Variants in KLRG1 observed in about 807,000 individuals in gnomAD.
KLRG1 encodes the protein killer cell lectin-like receptor subfamily G member 1.
In KLRG1, 16 loss-of-function variants were observed where a neutral mutation model predicts 21.8. The observed-to-expected ratio is 0.73, with a 90% CI of 0.50 to 1.11. The LOEUF is 1.11. Ranked by LOEUF, KLRG1 falls within the 50% of genes most tolerant of loss-of-function variation. The pLI is 0.00. For synonymous variants in KLRG1, 69 were observed against 75.9 expected (o/e 0.91, Z 0.47); for missense variants, 173 against 218.3 (o/e 0.79, Z 1.31).
At chr12:9,085,147 G>A in the KLRG1 span, among the ~76,000 whole-genome samples, 2 of 151,914 alleles carry the variant, frequency 1.3e-5, no homozygotes, top group African/African-American at 4.8e-5. Flanking sequence ...ATAAGAAAAC[G>A]TTGAACTTGA....
chr12:9,140,401 T>C, the KLRG1 span, among the ~76,000 whole-genome samples: 1 of 152,176 alleles, frequency 6.6e-6, no homozygotes, highest in Non-Finnish European at 1.5e-5. Flanking sequence ...CTCGGCCCAA[T>C]TGGTTGAGAT....
chr12:9,147,614 G>A, the KLRG1 span, among the ~76,000 whole-genome samples: 1 of 152,060 alleles, frequency 6.6e-6, no homozygotes, highest in Admixed American at 6.6e-5. Flanking sequence ...GTTCATGTGT[G>A]GGACAGGGGG....
At chr12:9,082,162 C>T in the KLRG1 span, among the ~76,000 whole-genome samples, 1 of 152,198 alleles carries the variant, frequency 6.6e-6, no homozygotes, top group Admixed American at 6.5e-5. Flanking sequence ...TCCATGGCTC[C>T]ATTCACAAGG....
At chr12:9,192,116 C>A in the KLRG1 span, 1 of 1,252,502 alleles carries the variant, frequency 8.0e-7, no homozygotes, top group Non-Finnish European at 1.2e-6. Flanking sequence ...AAACGATTTC[C>A]CATTTATGAA....
the KLRG1 span, among the ~76,000 whole-genome samples, chr12:9,048,974 T>A: frequency 1.3e-5 from 2 of 152,244 alleles, no homozygotes; most frequent in Non-Finnish European, 2.9e-5. Flanking sequence ...GTTACCTGGC[T>A]TTTGATTTTA....
the KLRG1 span, among the ~76,000 whole-genome samples, chr12:9,034,746 C>T: frequency 6.6e-6 from 1 of 152,218 alleles, no homozygotes; most frequent in East Asian, 1.9e-4. Flanking sequence ...CGTGCCTGGC[C>T]ATTATACTTT....
the KLRG1 span, among the ~76,000 whole-genome samples, chr12:9,195,681 T>C: frequency 6.9e-6 from 1 of 144,404 alleles, no homozygotes; most frequent in African/African-American, 2.6e-5. Context: ...CTAGAACTCC[T>C]GGCCTCAGGC....
At chr12:9,093,260 A>C in the KLRG1 span, among the ~76,000 whole-genome samples, 1 of 152,214 alleles carries the variant, frequency 6.6e-6, no homozygotes, top group East Asian at 1.9e-4. Context: ...GCACACAAAA[A>C]TAGGTAACAA....
intron 3 of KLRG1, among the ~76,000 whole-genome samples, chr12:9,002,957 T>A (rs1947350729): frequency 6.9e-6 from 1 of 145,196 alleles, no homozygotes; most frequent in Admixed American, 6.8e-5. Flanking sequence ...TATCCATGAG[T>A]ACATAGAATA....
chr12:9,176,132 A>G, the KLRG1 span, among the ~76,000 whole-genome samples: 90 of 152,360 alleles, frequency 5.9e-4, 1 homozygote, highest in East Asian at 0.017. Flanking sequence ...GCAGCCATAA[A>G]AAGGATGAGT....
upstream of KLRG1, among the ~76,000 whole-genome samples, chr12:8,984,744 C>T (rs1452592214): frequency 6.6e-6 from 1 of 152,138 alleles, no homozygotes; most frequent in African/African-American, 2.4e-5. Context: ...ATCTATGTTA[C>T]ATAAGTTTCT....
chr12:9,149,034 C>G, the KLRG1 span: 1 of 1,584,028 alleles, frequency 6.3e-7, no homozygotes, highest in African/African-American at 1.3e-5. Flanking sequence ...TGTATCATTT[C>G]CTGAGGAGCA....
chr12:9,085,902 G>A, the KLRG1 span, among the ~76,000 whole-genome samples: 1 of 152,090 alleles, frequency 6.6e-6, no homozygotes, highest in African/African-American at 2.4e-5. Flanking sequence ...TAGAAGAAAT[G>A]AATGCATTCC....
the KLRG1 span, chr12:9,127,991 C>A: frequency 3.4e-6 from 1 of 294,834 alleles, no homozygotes. Flanking sequence ...CAGATCACTT[C>A]CGAACCAAGT....
chr12:9,112,149 GA>G, the KLRG1 span: 1 of 1,613,266 alleles, frequency 6.2e-7, no homozygotes, highest in Non-Finnish European at 8.5e-7. Flanking sequence ...GTAGATAATA[GA>G]AAACTCACCA....
At chr12:9,058,527 GT>G in the KLRG1 span, 2 of 151,652 alleles carry the variant, frequency 1.3e-5, no homozygotes, top group East Asian at 3.9e-4. Context: ...AAACATATAT[GT>G]TTTAATATAA....
chr12:8,982,732 A>G (rs970587601), intron 1 of KLRG1, among the ~76,000 whole-genome samples: 1 of 144,542 alleles, frequency 6.9e-6, no homozygotes, highest in African/African-American at 2.6e-5. Context: ...TGCAACCTCC[A>G]CCTTTTGGGT....
At chr12:9,171,022 G>A in the KLRG1 span, among the ~76,000 whole-genome samples, 1 of 152,190 alleles carries the variant, frequency 6.6e-6, no homozygotes, top group East Asian at 1.9e-4. Flanking sequence ...CTTTGAGAAG[G>A]TCCCTGATCC....
the KLRG1 span, among the ~76,000 whole-genome samples, chr12:9,117,443 A>G: frequency 6.6e-6 from 1 of 152,228 alleles, no homozygotes; most frequent in Non-Finnish European, 1.5e-5. Context: ...GCAGATTTAT[A>G]TCATATTTAA....
Sources: allele counts gnomAD v4.1 joint callset (sites outside exome capture counted in the v4.1 genomes callset), GRCh38; gene constraint gnomAD v4.1.1; transcripts MANE v1.5; gene names NCBI Gene and HGNC (gene_info 2026-07-23, HGNC 2026-07-21).